The following LVRN variants were observed in gnomAD, a reference collection of about 807,000 sequenced individuals.
The protein encoded by LVRN is laeverin.
A neutral mutation model predicts 111.4 loss-of-function variants in LVRN; 99 were observed. The observed-to-expected ratio is 0.89, with a 90% CI of 0.76 to 1.05. The LOEUF (loss-of-function observed/expected upper bound fraction) is 1.05, where lower values mean the gene tolerates loss of function less well. LVRN is among the 50% of genes least tolerant of loss of function. LVRN has a pLI of 0.00. For missense variants in LVRN, 1,414 were observed against 1,206.8 expected, an observed-to-expected ratio of 1.17 and a Z score of -2.54; for synonymous variants, 488 against 449.5, an observed-to-expected ratio of 1.09 and a Z score of -1.08.
intron 6 of LVRN, among the ~76,000 whole-genome samples, chr5:115,994,945 C>G (rs1440638611): frequency 6.6e-6 from 1 of 152,160 alleles, no homozygotes; most frequent in African/African-American, 2.4e-5. Context: ...CTCCTGTAAC[C>G]TCTCTGGTCC....
At position 116,010,734 on chromosome 5, in the gene LVRN, C is replaced by A; in HGVS notation, c.2094-7C>A. The A allele has an allele frequency of 1.3e-6, 2 of 1,580,188 alleles. No individual in the cohort carries two copies. The highest frequency in any genetic ancestry group is 1.2e-5 in the South Asian group (1 of 85,960). On this transcript the variant is annotated splice_region_variant and splice_polypyrimidine_tract_variant and intron_variant, in intron 13 of 19. Transcript: ENST00000357872. ...TTTTTGAGTGTGTGTGTTTTTAAAT[C>A]AAACAGAAACAATTATATTGAGATT...
chr5:116,017,094 A>AT (rs1340215390), intron 18 of LVRN, among the ~76,000 whole-genome samples: 2 of 152,168 alleles, frequency 1.3e-5, no homozygotes, highest in Non-Finnish European at 2.9e-5. Context: ...GAAGAAAGGG[A>AT]TGTGCATGTG....
At position 115,962,978 on chromosome 5, in the gene LVRN, C is replaced by G; in HGVS notation, c.361C>G (p.Pro121Ala). 1 of 1,613,484 alleles carries G rather than the reference C, an allele frequency of 6.2e-7. No homozygotes were observed. The highest frequency in any genetic ancestry group is 8.5e-7 in the Non-Finnish European group (1 of 1,179,892). The change falls in exon 1 of 20, where the codon CCG becomes GCG. Residue 121 changes from proline (P) to alanine (A), a missense_variant. Transcript: ENST00000357872. ...LWPQLRPDEL[P>A]AGSLPFTGRV... ...GCCGCAGCTGAGGCCCGACGAGCTTCCGGCCGGGTCTTTGCCCTTCACTGG... is the reference window on the plus strand; with the variant it reads ...GCCGCAGCTGAGGCCCGACGAGCTTGCGGCCGGGTCTTTGCCCTTCACTGG...
chr5:116,011,957 T>A (rs879914418), intron 14 of LVRN, among the ~76,000 whole-genome samples: 1 of 152,102 alleles, frequency 6.6e-6, no homozygotes, highest in Non-Finnish European at 1.5e-5. Flanking sequence ...TTTTGAGGAA[T>A]GTATACTTAG....
At chr5:116,006,264 G>A (rs566299805) in intron 13 of LVRN, among the ~76,000 whole-genome samples, 1 of 151,922 alleles carries the variant, frequency 6.6e-6, no homozygotes, top group Admixed American at 6.6e-5. Context: ...ATTTATATTA[G>A]ATTTACTCAG....
At chr5:116,003,918 A>G (rs553346821) in intron 12 of LVRN, among the ~76,000 whole-genome samples, 82 of 152,270 alleles carry the variant, frequency 5.4e-4, no homozygotes, top group Middle Eastern at 3.4e-3. Context: ...TTGCTTTTCC[A>G]AAACAACCTT....
At chr5:116,005,492 C>T (rs1748341926) in intron 12 of LVRN, among the ~76,000 whole-genome samples, 2 of 152,204 alleles carry the variant, frequency 1.3e-5, no homozygotes, top group Non-Finnish European at 2.9e-5. Context: ...TATGGTACCT[C>T]AATGTTACCA....
At chr5:115,971,787 T>A (rs552005842) in intron 1 of LVRN, among the ~76,000 whole-genome samples, 2 of 152,232 alleles carry the variant, frequency 1.3e-5, no homozygotes, top group East Asian at 3.9e-4. Flanking sequence ...TTTAGGATAT[T>A]CTAGGTCCTT....
Position 115,992,252 on chromosome 5 carries a change from T to C in LVRN, c.1235T>C (p.Val412Ala), listed in dbSNP as rs139728913. The C allele has an allele frequency of 1.2e-6, 2 of 1,613,840 alleles. No individual in the cohort carries two copies. Among genetic ancestry groups the C allele is most frequent in the Non-Finnish European group, 1.7e-6 (2 of 1,179,898 alleles). ...LTEKKTLISY[V>A]VSHEIGHQWF... ...GAAAAAAAGACTCTGATCTCCTATG[T>C]TGTCTCCCACGAGATTGGACACCAG... Residue 412 changes from valine (V) to alanine (A), a missense_variant, in exon 5 of 20, where the codon GTT becomes GCT. By Grantham distance (64) the Val-to-Ala change is moderately conservative. Coordinates refer to ENST00000357872, the MANE Select transcript of LVRN (RefSeq NM_173800.5).
At chr5:115,964,050 T>C (rs1025285901) in intron 1 of LVRN, among the ~76,000 whole-genome samples, 1 of 152,246 alleles carries the variant, frequency 6.6e-6, no homozygotes, top group Admixed American at 6.5e-5. Context: ...TTTGAGATAA[T>C]ATCTCCTACA....
rs1161519624 is a variant in LVRN, at chr5:115,983,349, A to C, written c.758A>C (p.Glu253Ala). 1.2e-6 allele frequency: 2 copies of C among 1,612,010 alleles called. No homozygotes were observed. The highest frequency in any genetic ancestry group is 1.7e-6 in the Non-Finnish European group (2 of 1,179,344). The change falls in exon 2 of 20, where the codon GAG becomes GCG. Residue 253 changes from glutamate (E) to alanine (A), a missense_variant. Transcript: ENST00000357872. The part of the protein sequence containing the change: ...FARYVFPCFD[E>A]PALKATFNIT... ...AGGTATGTTTTCCCTTGTTTTGATG[A>C]GCCAGCTCTGAAGGCAACTTTTAAT...
chr5:116,024,146 G>A (rs1247631903), intron 19 of LVRN, among the ~76,000 whole-genome samples: 4 of 152,208 alleles, frequency 2.6e-5, no homozygotes, highest in African/African-American at 4.8e-5. Context: ...GTACTTGATC[G>A]TGTATATGGT....
Position 116,021,472 on chromosome 5 carries a change from C to T in LVRN, c.2757-919C>T, listed in dbSNP as rs1384935638. The T allele has an allele frequency of 2.7e-5, 5 of 182,496 alleles. No individual in the cohort carries two copies. In the Admixed American group the frequency reaches 3.1e-4, roughly 11 times the overall value. The allele number at this position is 182,496 out of a possible 1,614,324, so 11.3% of individuals were successfully genotyped here. A position where few individuals can be genotyped will look rare whatever the true frequency, so the allele number is the denominator to read the frequency against. On this transcript the variant is annotated intron_variant, in intron 18 of 19. Transcript: ENST00000357872. Reference sequence around the variant, plus strand: ...TCAATTATATGCAGAGTTATATTGTCCTTCACGTTGCTCAGGTAGACCCAG... The same window carrying T: ...TCAATTATATGCAGAGTTATATTGTTCTTCACGTTGCTCAGGTAGACCCAG...
intron 1 of LVRN, among the ~76,000 whole-genome samples, chr5:115,969,877 G>A (rs909769894): frequency 6.7e-6 from 1 of 148,652 alleles, no homozygotes; most frequent in Non-Finnish European, 1.5e-5. Context: ...ACCATTCTTC[G>A]TAATGTTCAT....
chr5:116,011,542 G>C (rs555531203), intron 14 of LVRN, among the ~76,000 whole-genome samples: 1 of 152,214 alleles, frequency 6.6e-6, no homozygotes, highest in African/African-American at 2.4e-5. Context: ...GGAGTTAGGG[G>C]TCACACAAAC....
intron 8 of LVRN, 23 bp from the exon 9 acceptor site, chr5:116,000,570 C>T: frequency 1.9e-6 from 3 of 1,613,416 alleles, no homozygotes; most frequent in East Asian, 4.5e-5. Flanking sequence ...TTTATTTTAA[C>T]CTTAACTTTT....
intron 6 of LVRN, among the ~76,000 whole-genome samples, chr5:115,994,297 T>TCTCGCTCTGTCACCCAGGCTGGAGACAC (rs1561561362): frequency 2.7e-4 from 41 of 152,082 alleles, no homozygotes; most frequent in African/African-American, 8.9e-4. Flanking sequence ...GCTGGAGACA[T>TCTCGCTCTGTCACCCAGGCTGGAGACAC]GGTCTCGCTC....
chr5:115,963,438 A>T, intron 1 of LVRN, 126 bp downstream of exon 1: 1 of 634,696 alleles, frequency 1.6e-6, no homozygotes, highest in Non-Finnish European at 2.6e-6. Flanking sequence ...TCCCCTTGCG[A>T]CGTTTTCTTT....
intron 1 of LVRN, among the ~76,000 whole-genome samples, chr5:115,977,631 C>T (rs1753475595): frequency 6.6e-6 from 1 of 152,112 alleles, no homozygotes; most frequent in Non-Finnish European, 1.5e-5. Flanking sequence ...GTATTTATTA[C>T]GTTATGTACT....
Sources: gnomAD v4.1 joint callset for allele counts (sites outside exome capture counted in the v4.1 genomes callset) on GRCh38, gnomAD v4.1.1 for gene constraint, MANE v1.5 for transcripts, NCBI Gene and HGNC (gene_info 2026-07-23, HGNC 2026-07-21) for gene names.